Variants in NTM observed in about 807,000 individuals in gnomAD.
NTM encodes IgLON family member 2.
Under a neutral mutation model 42.1 loss-of-function variants are expected in NTM, and 13 were observed. The ratio of observed to expected loss-of-function variants is 0.31; its 90% CI spans 0.20 to 0.49. The LOEUF is 0.49. Ranked by LOEUF, NTM falls within the 20% of genes least tolerant of loss-of-function variation. The pLI is 0.99. For synonymous variants in NTM, 187 were observed against 179.2 expected (o/e 1.04, Z -0.35); for missense variants, 373 against 452.8 (o/e 0.82, Z 1.60).
chr11:131,944,114 T>C (rs2060098034), intron 2 of NTM, among the ~76,000 whole-genome samples: 1 of 152,226 alleles, frequency 6.6e-6, no homozygotes, highest in Admixed American at 6.5e-5. Context: ...AGACAACCTA[T>C]GTGACACTGA....
intron 1 of NTM, among the ~76,000 whole-genome samples, chr11:131,817,393 G>A (rs1565588598): frequency 6.6e-6 from 1 of 152,146 alleles, no homozygotes; most frequent in Non-Finnish European, 1.5e-5. Context: ...GGGGGAGTGA[G>A]AATTTAATGG....
chr11:131,609,941 A>T (rs993249090), intron 1 of NTM, among the ~76,000 whole-genome samples: 1 of 152,184 alleles, frequency 6.6e-6, no homozygotes, highest in African/African-American at 2.4e-5. Context: ...CATCTAGTAA[A>T]GAAGGTGGGT....
At chr11:131,861,151 A>G (rs2046591411) in intron 1 of NTM, among the ~76,000 whole-genome samples, 1 of 152,186 alleles carries the variant, frequency 6.6e-6, no homozygotes, top group African/African-American at 2.4e-5. Flanking sequence ...GTCAGCTGCC[A>G]AAAGAAGACA....
At chr11:132,182,480 G>A (rs979199734) in intron 3 of NTM, among the ~76,000 whole-genome samples, 26 of 152,246 alleles carry the variant, frequency 1.7e-4, no homozygotes, top group African/African-American at 6.3e-4. Context: ...AATAATACCT[G>A]CCACACAGGG....
chr11:132,259,969 G>A (rs1398486947), intron 4 of NTM, among the ~76,000 whole-genome samples: 4 of 152,064 alleles, frequency 2.6e-5, no homozygotes, highest in East Asian at 2.0e-4. Flanking sequence ...GGCTGGTCTC[G>A]AACACCTGCA....
At chr11:131,735,671 A>G (rs1421386193) in intron 1 of NTM, among the ~76,000 whole-genome samples, 1 of 152,140 alleles carries the variant, frequency 6.6e-6, no homozygotes, top group East Asian at 1.9e-4. Context: ...CTGTGTTTCC[A>G]TGGTGTTCTG....
intron 2 of NTM, among the ~76,000 whole-genome samples, chr11:131,972,751 G>A (rs1230444632): frequency 6.6e-6 from 1 of 152,170 alleles, no homozygotes; most frequent in Non-Finnish European, 1.5e-5. Flanking sequence ...CAGAGGCAGT[G>A]TCAGGGTATT....
At chr11:132,235,404 A>C (rs1374577962) in intron 4 of NTM, among the ~76,000 whole-genome samples, 2 of 152,140 alleles carry the variant, frequency 1.3e-5, no homozygotes, top group African/African-American at 2.4e-5. Context: ...TCCAGCCTCC[A>C]GAACGTTCTT....
chr11:132,074,233 A>G (rs1003104807), intron 2 of NTM, among the ~76,000 whole-genome samples: 2 of 152,226 alleles, frequency 1.3e-5, no homozygotes, highest in East Asian at 1.9e-4. Flanking sequence ...CTTACAGGCC[A>G]TTGGACACTG....
chr11:131,560,938 C>A (rs536866932), intron 1 of NTM, among the ~76,000 whole-genome samples: 6 of 152,160 alleles, frequency 3.9e-5, no homozygotes, highest in Admixed American at 2.6e-4. Context: ...CTTTCCCATG[C>A]CCCCAGGCTG....
At chr11:132,125,728 GT>G (rs2065672018) in intron 2 of NTM, among the ~76,000 whole-genome samples, 5 of 46 alleles carry the variant, frequency 0.11, 2 homozygotes, top group African/African-American at 0.17. Flanking sequence ...GGTGTGTGAT[GT>G]GTGTGTGGTA....
Position 132,146,820 on chromosome 11 carries a change from GTTTT to G in NTM, c.400+309_400+312del. On this transcript the variant is annotated intron_variant, in intron 3 of 8. Transcript: ENST00000683400. This position sits in a 1 kb window ranked among gnomAD's most constrained non-coding sequence, Gnocchi z 4.5. The stretch of plus-strand genomic sequence containing the variant: ...AAGTTTTAGTTATTTTTGTTTGTTT[GTTTT>G]TTGTTTTGTTTTGTTTTGTTTTTTA... 1 of 365,928 alleles carries G rather than the reference GTTTT, an allele frequency of 2.7e-6. No homozygotes were observed. Among genetic ancestry groups the G allele is most frequent in the Non-Finnish European group, 4.9e-6 (1 of 204,666 alleles). 22.7% of individuals were successfully genotyped at this position (365,928 alleles called of 1,614,324 possible). A position where few individuals can be genotyped will look rare whatever the true frequency, so the allele number is the denominator to read the frequency against.
intron 1 of NTM, among the ~76,000 whole-genome samples, chr11:131,593,581 A>G (rs1022800351): frequency 1.3e-5 from 2 of 152,176 alleles, no homozygotes; most frequent in African/African-American, 4.8e-5. Flanking sequence ...TTTATTCCCC[A>G]TTAGAGCTTT....
chr11:131,570,696 G>A (rs1021629592), intron 1 of NTM, among the ~76,000 whole-genome samples: 6 of 152,162 alleles, frequency 3.9e-5, no homozygotes, highest in African/African-American at 1.2e-4. Context: ...GGTGGTGCGT[G>A]CCAGTAGTCC....
At chr11:132,255,125 A>G (rs1176033291) in intron 4 of NTM, among the ~76,000 whole-genome samples, 3 of 152,222 alleles carry the variant, frequency 2.0e-5, no homozygotes, top group Non-Finnish European at 2.9e-5. Context: ...GAAGTGGTGG[A>G]TGCTGTCAGT....
chr11:131,662,781 C>T (rs1445519222), intron 1 of NTM, among the ~76,000 whole-genome samples: 1 of 152,126 alleles, frequency 6.6e-6, no homozygotes, highest in Admixed American at 6.5e-5. Flanking sequence ...TCCCTCCTGG[C>T]TCCCTGTGGA....
rs142558274 is a variant in NTM at position 132,031,588 on chromosome 11, G to A, written c.168-114694G>A. ...AGGTTTTTGGGTGGAATGATGAGTA[G>A]GGAAGACTGGATGAAGTTCAAGTTT... is the stretch of plus-strand genomic sequence containing the variant. On this transcript the variant is annotated intron_variant, in intron 2 of 8. Transcript: ENST00000683400. Among the ~76,000 whole-genome samples the A allele has an allele frequency of 2.5e-3, 373 of 152,230 alleles. 2 individuals are homozygous for A. The highest frequency in any genetic ancestry group is 8.5e-3 in the African/African-American group (355 of 41,536).
intron 2 of NTM, among the ~76,000 whole-genome samples, chr11:132,124,643 G>A (rs2065385356): frequency 2.0e-5 from 3 of 152,114 alleles, no homozygotes; most frequent in Admixed American, 2.0e-4. Context: ...GCGCAGGGCG[G>A]GGTTGCTTGG....
intron 1 of NTM, among the ~76,000 whole-genome samples, chr11:131,581,738 C>A (rs1401713461): frequency 6.6e-6 from 1 of 152,130 alleles, no homozygotes; most frequent in Non-Finnish European, 1.5e-5. Flanking sequence ...GGGCCCAGGG[C>A]AGGAGACTGA....
Sources: gnomAD v4.1 joint callset for allele counts (sites outside exome capture counted in the v4.1 genomes callset) on GRCh38, gnomAD v4.1.1 for gene constraint, Gnocchi (gnomAD v3.1) non-coding constraint, MANE v1.5 for transcripts, NCBI Gene and HGNC (gene_info 2026-07-23, HGNC 2026-07-21) for gene names.